EDEM3: variants seen among roughly 807,000 people sequenced by gnomAD.
EDEM3 encodes ER degradation enhancing alpha-mannosidase like protein 3.
Under a neutral mutation model 110.2 loss-of-function variants are expected in EDEM3, and 60 were observed. The observed-to-expected ratio is 0.54, with a 90% CI of 0.44 to 0.67. The LOEUF is 0.67. Ranked by LOEUF, EDEM3 falls within the 30% of genes least tolerant of loss-of-function variation. The pLI, the probability that EDEM3 is intolerant of heterozygous loss-of-function variation, is 0.00. For missense variants in EDEM3, 996 were observed against 1,121.0 expected (o/e 0.89, Z 1.59); for synonymous variants, 352 against 382.9 (o/e 0.92, Z 0.94).
intron 19 of EDEM3, among the ~76,000 whole-genome samples, chr1:184,695,156 C>T (rs1169166039): frequency 6.6e-6 from 1 of 151,990 alleles, no homozygotes; most frequent in Non-Finnish European, 1.5e-5. Flanking sequence ...CCAGTAGAGG[C>T]ATTTTATTTA....
Position 184,693,418 on chromosome 1 carries a change from G to C in EDEM3, c.*645C>G, listed in dbSNP as rs1039093548. ...TTTATGCAGAGAACTCACTGAGAAA[G>C]TACACTGGCTTCACCTTTGGTTTAA... On this transcript the variant is annotated 3_prime_UTR_variant, in exon 20 of 20. Transcript: ENST00000318130. The C allele has an allele frequency of 2.0e-5, 3 of 152,512 alleles. No homozygotes were observed. Among genetic ancestry groups the C allele is most frequent in the Non-Finnish European group, 2.9e-5 (2 of 68,038 alleles). 9.4% of individuals were successfully genotyped at this position (152,512 alleles called of 1,614,324 possible).
In EDEM3 at chr1:184,692,941, T is replaced by C. The variant is rs944520508; in HGVS notation, c.*1122A>G. 6.5e-6 allele frequency: 1 copy of C among 154,034 alleles called. No individual in the cohort carries two copies. The highest frequency in any genetic ancestry group is 6.6e-5 in the Admixed American group (1 of 15,254). 9.5% of individuals were successfully genotyped at this position (154,034 alleles called of 1,614,324 possible). ...TTAAAAACAAAAACAAAAACCATGA[T>C]TCAACAGAAAATGTGACAGATTCCT... On this transcript the variant is annotated 3_prime_UTR_variant, in exon 20 of 20. Coordinates refer to ENST00000318130, the MANE Select transcript of EDEM3 (RefSeq NM_025191.4).
intron 18 of EDEM3, 48 bp from the exon 19 acceptor site, chr1:184,703,044 A>T: frequency 1.4e-6 from 2 of 1,446,626 alleles, no homozygotes; most frequent in Non-Finnish European, 1.9e-6. Context: ...CAGCCATTAA[A>T]AAGATCTATC....
In EDEM3 at chr1:184,723,740, A is replaced by G. The variant is rs1474218283; in HGVS notation, c.853+11T>C. 2.5e-6 allele frequency: 4 copies of G among 1,576,634 alleles called. No individual in the cohort carries two copies. The African/African-American group carries it at 4.1e-5, about 16-fold the overall frequency. On this transcript the variant is annotated intron_variant, in intron 8 of 19. Coordinates refer to ENST00000318130, the MANE Select transcript of EDEM3 (RefSeq NM_025191.4). Reference sequence around the variant, plus strand: ...TGCAAAGGCTTGATTTAAAAAGCCTAACTTACATACCTTTTCGTACCCAAT... The same window carrying G: ...TGCAAAGGCTTGATTTAAAAAGCCTGACTTACATACCTTTTCGTACCCAAT...
At chr1:184,753,198 C>T (rs553134954) in intron 1 of EDEM3, among the ~76,000 whole-genome samples, 3 of 151,788 alleles carry the variant, frequency 2.0e-5, no homozygotes, top group Admixed American at 2.0e-4. Context: ...TTTCTGAGCT[C>T]AGATTTTTTT....
At chr1:184,743,536 T>A (rs1271101881) in intron 2 of EDEM3, among the ~76,000 whole-genome samples, 3 of 152,106 alleles carry the variant, frequency 2.0e-5, no homozygotes, top group Admixed American at 6.6e-5. Context: ...ACTCTAAATT[T>A]ACTAGGGCTT....
chr1:184,713,636 T>C (rs1416662804), intron 13 of EDEM3, among the ~76,000 whole-genome samples: 1 of 152,154 alleles, frequency 6.6e-6, no homozygotes, highest in South Asian at 2.1e-4. Context: ...AGGCACTCAA[T>C]AAATGTTTAC....
intron 13 of EDEM3, among the ~76,000 whole-genome samples, chr1:184,716,414 T>A (rs1650549909): frequency 6.6e-6 from 1 of 152,152 alleles, no homozygotes; most frequent in African/African-American, 2.4e-5. Flanking sequence ...CTATCCAGTG[T>A]CTAATGAAAC....
intron 19 of EDEM3, chr1:184,701,495 A>T (rs1368738045): frequency 7.8e-7 from 1 of 1,278,752 alleles, no homozygotes; most frequent in Admixed American, 2.4e-5. Context: ...CAAGATACTT[A>T]CTACTATTAA....
At chr1:184,713,625 T>C (rs1650381739) in intron 13 of EDEM3, among the ~76,000 whole-genome samples, 1 of 152,150 alleles carries the variant, frequency 6.6e-6, no homozygotes, top group Admixed American at 6.5e-5. Context: ...TGGCACACAG[T>C]AGGCACTCAA....
chr1:184,703,103 C>G (rs1157860174), intron 18 of EDEM3, 107 bp from the exon 19 acceptor site: 6 of 919,314 alleles, frequency 6.5e-6, no homozygotes, highest in Non-Finnish European at 9.1e-6. Flanking sequence ...TTTTATGCAT[C>G]AAGAACCATA....
At chr1:184,711,645 G>C in intron 15 of EDEM3, 78 bp downstream of exon 15, 1 of 1,337,736 alleles carries the variant, frequency 7.5e-7, no homozygotes. Context: ...CTTGGCTGTT[G>C]ATACATGCTC....
In EDEM3 at chr1:184,736,668, C is replaced by T. The variant is rs140137166; in HGVS notation, c.345+357G>A. 2.8e-3 allele frequency among the ~76,000 whole-genome samples: 427 copies of T among 152,166 alleles called. 5 individuals carry two copies. In the East Asian group the frequency reaches 0.036, roughly 13 times the overall value. ...CAGCAATATAAAGATTCTAATTTAA[C>T]AATTTTGATATCATTTTGGCATGTC... is the stretch of plus-strand genomic sequence containing the variant. On this transcript the variant is annotated intron_variant, in intron 4 of 19. Coordinates refer to ENST00000318130, the MANE Select transcript of EDEM3 (RefSeq NM_025191.4).
chr1:184,700,480 GGA>G (rs1191673934), intron 19 of EDEM3, among the ~76,000 whole-genome samples: 1 of 151,720 alleles, frequency 6.6e-6, no homozygotes, highest in Non-Finnish European at 1.5e-5. Context: ...TACATAGCTG[GGA>G]GACAAAAAAG....
chr1:184,739,460 T>C (rs1229809375), intron 2 of EDEM3, among the ~76,000 whole-genome samples: 1 of 151,550 alleles, frequency 6.6e-6, no homozygotes, highest in African/African-American at 2.4e-5. Flanking sequence ...CTGGAGAACT[T>C]TGATATTTCC....
chr1:184,737,093 A>G (rs748860110), intron 3 of EDEM3, 29 bp from the exon 4 acceptor site: 11 of 1,574,326 alleles, frequency 7.0e-6, no homozygotes, highest in African/African-American at 6.8e-5. Context: ...CAAGATATAA[A>G]ACATTAGAAT....
chr1:184,737,654 C>T lies in EDEM3; in HGVS notation c.262G>A (p.Gly88Ser), dbSNP rs201518061. ...ACGTCACCGCGACTTGGCTCTTGGC[C>T]TCTAACTCGACCTCTACAGGTTAAA... ...MPLTCRGRVR[G>S]QEPSRGDVDD... The change falls in exon 3 of 20, where the codon GGC (glycine) becomes AGC (serine). Residue 88 changes from glycine (G) to serine (S), a missense_variant. Physicochemically the swap from Gly to Ser is moderately conservative, Grantham distance 56. Coordinates refer to ENST00000318130, the MANE Select transcript of EDEM3 (RefSeq NM_025191.4). 19 of 1,614,028 alleles carry T rather than the reference C, an allele frequency of 1.2e-5. No individual in the cohort carries two copies. The highest frequency in any genetic ancestry group is 1.7e-5 in the Admixed American group (1 of 60,008).
At chr1:184,710,691 C>T (rs2102071382) in intron 15 of EDEM3, 144 bp from the exon 16 acceptor site, 1 of 1,005,188 alleles carries the variant, frequency 9.9e-7, no homozygotes, top group Non-Finnish European at 1.4e-6. Context: ...TATTTTCTTA[C>T]ATATAATTTA....
At chr1:184,751,516 C>T (rs1410928798) in intron 1 of EDEM3, among the ~76,000 whole-genome samples, 1 of 152,186 alleles carries the variant, frequency 6.6e-6, no homozygotes, top group Non-Finnish European at 1.5e-5. Flanking sequence ...ATTTATGCAG[C>T]ATATGATGAG....
Sources: allele counts gnomAD v4.1 joint callset (sites outside exome capture counted in the v4.1 genomes callset), GRCh38; gene constraint gnomAD v4.1.1; transcripts MANE v1.5; gene names NCBI Gene and HGNC (gene_info 2026-07-23, HGNC 2026-07-21).